Variants in ATF7IP2 observed in about 807,000 individuals in gnomAD.
The protein encoded by ATF7IP2 is activating transcription factor 7-interacting protein 2.
A neutral mutation model predicts 64.2 loss-of-function variants in ATF7IP2; 42 were observed. That is an observed-to-expected ratio of 0.65 (90% CI 0.51 to 0.85). The LOEUF is 0.85. Among genes scored for constraint, ATF7IP2 ranks in the 40% least tolerant of loss-of-function variants. The pLI is 0.00. For missense variants in ATF7IP2, 933 were observed against 784.2 expected (o/e 1.19, Z -2.27); for synonymous variants, 308 against 272.8 (o/e 1.13, Z -1.27).
At chr16:10,442,218 T>A (rs1216095528) in intron 8 of ATF7IP2, among the ~76,000 whole-genome samples, 1 of 152,252 alleles carries the variant, frequency 6.6e-6, no homozygotes, top group African/African-American at 2.4e-5. Flanking sequence ...AGGTTACTTA[T>A]AAATTGGAAC....
intron 9 of ATF7IP2, among the ~76,000 whole-genome samples, chr16:10,471,343 C>T (rs1478941349): frequency 6.6e-6 from 1 of 152,120 alleles, no homozygotes; most frequent in African/African-American, 2.4e-5. Flanking sequence ...GCCTGACCAA[C>T]ATGGTGAAAC....
chr16:10,482,173 CAA>C lies in ATF7IP2; in HGVS notation c.1976_1977del (p.Lys659ArgfsTer11). The C allele has an allele frequency of 6.2e-7, 1 of 1,612,578 alleles. No homozygotes were observed. The highest frequency in any genetic ancestry group is 8.5e-7 in the Non-Finnish European group (1 of 1,178,696). The stretch of plus-strand genomic sequence containing the variant: ...AACAGATACTATTTTACTGTCCAAT[CAA>C]AAGATATTTTTGGACGATATGGACC... On this transcript the variant is annotated frameshift_variant, in exon 14 of 14. Coordinates refer to ENST00000562102, the MANE Select transcript of ATF7IP2 (RefSeq NM_001393719.1). LOFTEE classifies it high-confidence loss of function.
At chr16:10,406,429 A>G (rs1407284673) in intron 1 of ATF7IP2, among the ~76,000 whole-genome samples, 1 of 152,178 alleles carries the variant, frequency 6.6e-6, no homozygotes, top group Non-Finnish European at 1.5e-5. Flanking sequence ...TAACCTAATG[A>G]TGCATCTTAA....
intron 1 of ATF7IP2, among the ~76,000 whole-genome samples, chr16:10,398,196 C>T (rs968683295): frequency 2.0e-5 from 3 of 151,528 alleles, no homozygotes; most frequent in South Asian, 2.1e-4. Flanking sequence ...CCCAGCAACT[C>T]GGGAGGCTGA....
At chr16:10,446,037 C>A (rs1288357578) in intron 8 of ATF7IP2, 1 of 152,224 alleles carries the variant, frequency 6.6e-6, no homozygotes, top group Admixed American at 6.5e-5. Flanking sequence ...GTCTTCCTGA[C>A]TTCTTCAAGG....
At chr16:10,408,679 G>A (rs1017070026) in intron 1 of ATF7IP2, among the ~76,000 whole-genome samples, 2 of 152,084 alleles carry the variant, frequency 1.3e-5, no homozygotes, top group Non-Finnish European at 2.9e-5. Context: ...ACTTTTTGAT[G>A]GGATTATTTG....
At chr16:10,409,628 C>T (rs147421292) in intron 1 of ATF7IP2, among the ~76,000 whole-genome samples, 26 of 152,200 alleles carry the variant, frequency 1.7e-4, no homozygotes, top group Non-Finnish European at 8.8e-5. Flanking sequence ...GGTTTCACGG[C>T]GTTAGCCAGG....
intron 2 of ATF7IP2, among the ~76,000 whole-genome samples, chr16:10,419,130 A>C (rs1364209734): frequency 6.6e-6 from 1 of 152,200 alleles, no homozygotes; most frequent in Non-Finnish European, 1.5e-5. Flanking sequence ...TTTTGATGGC[A>C]GTATGCCTCA....
chr16:10,438,066 CGTA>C (rs771706282), intron 6 of ATF7IP2, 32 bp from the exon 7 acceptor site: 1 of 1,472,556 alleles, frequency 6.8e-7, no homozygotes, highest in East Asian at 2.6e-5. Flanking sequence ...AAATTTGAAA[CGTA>C]GGGTGTTTTG....
At chr16:10,439,533 CT>C (rs760337763) in intron 7 of ATF7IP2, among the ~76,000 whole-genome samples, 1,415 of 102,960 alleles carry the variant, frequency 0.014, 16 homozygotes, top group African/African-American at 0.038. Flanking sequence ...CGCCCCCAGC[CT>C]TTTTTTTTTT....
chr16:10,407,917 CT>C (rs35727703), intron 1 of ATF7IP2, among the ~76,000 whole-genome samples: 29,894 of 144,304 alleles, frequency 0.21, 3,209 homozygotes, highest in African/African-American at 0.31. Flanking sequence ...TTCTTTCTTT[CT>C]TTTTTTTTTT....
At chr16:10,474,189 A>G (rs1258267354) in intron 12 of ATF7IP2, among the ~76,000 whole-genome samples, 200 bp downstream of exon 12, 1 of 152,066 alleles carries the variant, frequency 6.6e-6, no homozygotes, top group East Asian at 1.9e-4. Context: ...CTTTATACTC[A>G]CACCTTGTTT....
rs138452238 is a variant in ATF7IP2, at chr16:10,459,296, G to A, written c.1352+1767G>A. Among the ~76,000 whole-genome samples the A allele has an allele frequency of 9.7e-4, 148 of 151,990 alleles. 2 individuals carry two copies. The highest frequency in any genetic ancestry group is 4.8e-3 in the East Asian group (25 of 5,168). Reference sequence around the variant, plus strand: ...ATCCTGGCTAACATGGTGAAACGCCGTCTCTACTAAAAATATAAAAAATTA... The same window carrying A: ...ATCCTGGCTAACATGGTGAAACGCCATCTCTACTAAAAATATAAAAAATTA... On this transcript the variant is annotated intron_variant, in intron 9 of 13. Transcript: ENST00000562102.
At chr16:10,388,809 G>T (rs901609485) in intron 1 of ATF7IP2, among the ~76,000 whole-genome samples, 2 of 152,096 alleles carry the variant, frequency 1.3e-5, no homozygotes, top group Admixed American at 1.3e-4. Context: ...AGGAGATTGA[G>T]ACCATCTTGG....
intron 1 of ATF7IP2, among the ~76,000 whole-genome samples, chr16:10,409,386 G>A (rs2047706279): frequency 6.6e-6 from 1 of 152,140 alleles, no homozygotes; most frequent in Non-Finnish European, 1.5e-5. Flanking sequence ...AAGTTAACAA[G>A]CTAAACCTTT....
intron 3 of ATF7IP2, among the ~76,000 whole-genome samples, chr16:10,426,847 T>G (rs923052986): frequency 9.2e-5 from 14 of 152,062 alleles, no homozygotes; most frequent in African/African-American, 2.6e-4. Flanking sequence ...GGTTTTTGGT[T>G]TTTTTTTGTT....
chr16:10,432,635 G>A (rs1260517789), intron 5 of ATF7IP2, among the ~76,000 whole-genome samples: 2 of 152,174 alleles, frequency 1.3e-5, no homozygotes, highest in Non-Finnish European at 2.9e-5. Flanking sequence ...TTGGAAGGTT[G>A]AGGCAGGTGG....
At chr16:10,414,869 G>A (rs1197516283) in intron 2 of ATF7IP2, among the ~76,000 whole-genome samples, 1 of 152,068 alleles carries the variant, frequency 6.6e-6, no homozygotes, top group Non-Finnish European at 1.5e-5. Flanking sequence ...TGAGAGCTGA[G>A]CTGTAGTGAT....
chr16:10,480,909 C>A lies in ATF7IP2; in HGVS notation c.1580C>A (p.Ser527Ter). The change falls in exon 13 of 14, where the codon TCG (serine) becomes TAG (stop). Residue 527 changes from serine (S) to a stop codon, truncating the protein, a stop_gained. Coordinates refer to ENST00000562102, the MANE Select transcript of ATF7IP2 (RefSeq NM_001393719.1). LOFTEE classifies it high-confidence loss of function. ...CCAGTATCCCCCCTGGAGTCACATT[C>A]GAAAGCTGCTTCAAACTCAAAGGAA... ...ESPVSPLESH[S>*]KAASNSKETT... 6.2e-7 allele frequency: 1 copy of A among 1,613,056 alleles called. No homozygotes were observed. Among genetic ancestry groups the A allele is most frequent in the Non-Finnish European group, 8.5e-7 (1 of 1,179,148 alleles).
Sources: allele counts gnomAD v4.1 joint callset (sites outside exome capture counted in the v4.1 genomes callset), GRCh38; gene constraint gnomAD v4.1.1; transcripts MANE v1.5; gene names NCBI Gene and HGNC (gene_info 2026-07-23, HGNC 2026-07-21).